SLC35D4: variants seen among roughly 807,000 people sequenced by gnomAD.
The protein encoded by SLC35D4 is UDP-N-acetylglucosamine transporter SLC35D4.
At chr18:23,413,888 G>A in the SLC35D4 span, among the ~76,000 whole-genome samples, 5 of 151,130 alleles carry the variant, frequency 3.3e-5, no homozygotes, top group East Asian at 3.9e-4. Context: ...AGCTTGCAGT[G>A]AGCCAAGACC....
the SLC35D4 span, chr18:23,253,744 G>A: frequency 6.2e-7 from 1 of 1,614,164 alleles, no homozygotes; most frequent in Non-Finnish European, 8.5e-7. Context: ...AACGAGAGAT[G>A]CGGAAGCTTG....
At chr18:23,355,033 GC>G in the SLC35D4 span, among the ~76,000 whole-genome samples, 1 of 151,976 alleles carries the variant, frequency 6.6e-6, no homozygotes, top group Non-Finnish European at 1.5e-5. Flanking sequence ...CCCCTCCTGA[GC>G]CCCCCCAGAA....
the SLC35D4 span, among the ~76,000 whole-genome samples, chr18:23,361,360 T>C: frequency 6.6e-6 from 1 of 151,878 alleles, no homozygotes; most frequent in East Asian, 1.9e-4. Context: ...TGAAAAAGAA[T>C]AAAGTTCTGT....
chr18:23,305,615 TA>T, the SLC35D4 span, among the ~76,000 whole-genome samples: 29 of 152,212 alleles, frequency 1.9e-4, no homozygotes, highest in African/African-American at 7.0e-4. Context: ...TTATTATTAT[TA>T]AAAAGAAGAG....
At chr18:23,291,121 TTGCCCTGCAATGGGGTCTGAACAAGTCA>T in the SLC35D4 span, among the ~76,000 whole-genome samples, 21 of 152,360 alleles carry the variant, frequency 1.4e-4, 1 homozygote, top group East Asian at 3.9e-3. Flanking sequence ...GCTGTGGGTC[TTGCCCTGCAATGGGGTCTGAACAAGTCA>T]TGGACCGTCT....
the SLC35D4 span, among the ~76,000 whole-genome samples, chr18:23,400,694 T>C: frequency 6.6e-6 from 1 of 152,156 alleles, no homozygotes; most frequent in African/African-American, 2.4e-5. Flanking sequence ...TAATAATGAA[T>C]AAAAATAAAT....
At chr18:23,339,831 A>T in the SLC35D4 span, among the ~76,000 whole-genome samples, 1 of 152,188 alleles carries the variant, frequency 6.6e-6, no homozygotes. Flanking sequence ...AAGGACACTA[A>T]TGCCCTTCAT....
chr18:23,312,702 T>A, the SLC35D4 span, among the ~76,000 whole-genome samples: 1 of 152,102 alleles, frequency 6.6e-6, no homozygotes, highest in Non-Finnish European at 1.5e-5. Context: ...GTCCTATTAA[T>A]CAGTGATCTG....
At chr18:23,299,859 A>T in the SLC35D4 span, among the ~76,000 whole-genome samples, 1 of 152,172 alleles carries the variant, frequency 6.6e-6, no homozygotes, top group African/African-American at 2.4e-5. Flanking sequence ...CCTTACTCCA[A>T]GTTGGGATGT....
At chr18:23,278,104 T>C in the SLC35D4 span, among the ~76,000 whole-genome samples, 5 of 152,000 alleles carry the variant, frequency 3.3e-5, no homozygotes, top group Non-Finnish European at 7.4e-5. Flanking sequence ...GGAGGAAAAA[T>C]GGGTCTATCT....
the SLC35D4 span, chr18:23,421,573 T>C: frequency 1.4e-6 from 1 of 719,014 alleles, no homozygotes; most frequent in Non-Finnish European, 2.4e-6. Flanking sequence ...TTTCTCCTAC[T>C]CTCTCCCAAT....
the SLC35D4 span, among the ~76,000 whole-genome samples, chr18:23,422,533 C>G: frequency 6.6e-6 from 1 of 152,188 alleles, no homozygotes; most frequent in African/African-American, 2.4e-5. Flanking sequence ...AGGCTCTCAT[C>G]ATCTCATGCC....
chr18:23,250,820 C>T, the SLC35D4 span, among the ~76,000 whole-genome samples: 3 of 152,166 alleles, frequency 2.0e-5, no homozygotes, highest in Non-Finnish European at 4.4e-5. Context: ...GCCAAGTGTT[C>T]GAAAACTCTG....
chr18:23,420,861 C>A, the SLC35D4 span, among the ~76,000 whole-genome samples: 1 of 151,956 alleles, frequency 6.6e-6, no homozygotes, highest in Non-Finnish European at 1.5e-5. Context: ...GCATTATTAC[C>A]CAGGAAAATA....
chr18:23,368,736 T>A, the SLC35D4 span: 1 of 1,449,686 alleles, frequency 6.9e-7, no homozygotes, highest in Non-Finnish European at 9.6e-7. Flanking sequence ...GTTTAAGTAT[T>A]GCTGGTCAAT....
At chr18:23,371,935 G>GTGTTTTTTTTTTT in the SLC35D4 span, among the ~76,000 whole-genome samples, 1 of 35,480 alleles carries the variant, frequency 2.8e-5, no homozygotes, top group Non-Finnish European at 4.9e-5. Context: ...TGTTTTTTTT[G>GTGTTTTTTTTTTT]TTTTTTTTTT....
chr18:23,365,740 T>C, the SLC35D4 span: 15 of 1,561,016 alleles, frequency 9.6e-6, no homozygotes, highest in Non-Finnish European at 1.3e-5. Context: ...CCACACATTT[T>C]ACTTGGAAAT....
the SLC35D4 span, among the ~76,000 whole-genome samples, chr18:23,397,694 A>G: frequency 2.0e-5 from 3 of 152,178 alleles, no homozygotes; most frequent in African/African-American, 7.2e-5. Flanking sequence ...CCCTGGGCTC[A>G]CTCTAAAATC....
chr18:23,354,359 A>AAG, the SLC35D4 span, among the ~76,000 whole-genome samples: 1 of 150,208 alleles, frequency 6.7e-6, no homozygotes, highest in Non-Finnish European at 1.5e-5. Flanking sequence ...AAAAAAAAAA[A>AAG]AAAAAAAGAA....
Sources: gnomAD v4.1 joint callset for allele counts (sites outside exome capture counted in the v4.1 genomes callset) on GRCh38, gnomAD v4.1.1 for gene constraint, MANE v1.5 for transcripts, NCBI Gene and HGNC (gene_info 2026-07-23, HGNC 2026-07-21) for gene names.